Variants in ZNF407 observed in about 807,000 individuals in gnomAD.
ZNF407 encodes the protein zinc finger protein 407.
ZNF407 carries 17 observed loss-of-function variants against 131.2 expected under a neutral mutation model. That is an observed-to-expected ratio of 0.13 (90% CI 0.09 to 0.19). ZNF407 has a LOEUF of 0.19. Among genes scored for constraint, ZNF407 ranks in the 10% least tolerant of loss-of-function variants. The pLI, the probability that ZNF407 is intolerant of heterozygous loss-of-function variation, is 1.00. For synonymous variants in ZNF407, 1,156 were observed against 1,062.0 expected, an observed-to-expected ratio of 1.09 and a Z score of -1.72; for missense variants, 2,681 against 2,830.6, an observed-to-expected ratio of 0.95 and a Z score of 1.20.
rs1197047703 is a variant in ZNF407, at chr18:74,635,114, C to A, written c.4095C>A (p.Asn1365Lys). 8.7e-6 allele frequency: 14 copies of A among 1,613,884 alleles called. No individual in the cohort carries two copies. The highest frequency in any genetic ancestry group is 1.3e-5 in the African/African-American group (1 of 75,002). ...RFDSSIIRIKNPEDGELIDQS... is the reference protein window; with the variant it reads ...RFDSSIIRIKKPEDGELIDQS... ...ACTCCTCCATAATAAGAATAAAGAA[C>A]CCTGAAGATGGTGAGTTGATAGACC... Residue 1365 changes from asparagine (N) to lysine (K), a missense_variant, in exon 2 of 9, where the codon AAC (asparagine) becomes AAA (lysine). Around this residue, in one of 6 missense-constraint regions of ZNF407, gnomAD observed 1,789 missense variants for 1,748.7 expected, o/e 1.02. Coordinates refer to ENST00000299687, the MANE Select transcript of ZNF407 (RefSeq NM_017757.3). This position sits in a 1 kb window ranked among gnomAD's most constrained non-coding sequence, Gnocchi z 4.7.
At chr18:74,890,641 G>T (rs946550974) in intron 7 of ZNF407, among the ~76,000 whole-genome samples, 5 of 152,124 alleles carry the variant, frequency 3.3e-5, no homozygotes, top group African/African-American at 1.2e-4. Context: ...CTAGAGTATA[G>T]CACTCATTTA....
At chr18:74,958,712 G>T (rs1179174006) in intron 8 of ZNF407, among the ~76,000 whole-genome samples, 1 of 152,182 alleles carries the variant, frequency 6.6e-6, no homozygotes, top group Non-Finnish European at 1.5e-5. Flanking sequence ...ATAAACATTG[G>T]CATAAAGGGA....
chr18:74,615,076 T>G (rs1983227143), intron 1 of ZNF407, among the ~76,000 whole-genome samples: 1 of 151,030 alleles, frequency 6.6e-6, no homozygotes, highest in Non-Finnish European at 1.5e-5. Flanking sequence ...CTTACTTTCT[T>G]CTGTCAGCTG....
At chr18:74,685,628 C>T (rs566433055) in intron 3 of ZNF407, among the ~76,000 whole-genome samples, 1 of 152,350 alleles carries the variant, frequency 6.6e-6, no homozygotes, top group South Asian at 2.1e-4. Flanking sequence ...CACCCCACCT[C>T]ACTCACTCGG....
intron 4 of ZNF407, among the ~76,000 whole-genome samples, chr18:74,844,326 G>A (rs1343644552): frequency 6.6e-6 from 1 of 152,196 alleles, no homozygotes; most frequent in African/African-American, 2.4e-5. Context: ...GCGCTTGCCT[G>A]TGTCATAGCA....
intron 8 of ZNF407, among the ~76,000 whole-genome samples, chr18:75,052,714 C>T (rs944535706): frequency 1.3e-5 from 2 of 152,212 alleles, no homozygotes; most frequent in Non-Finnish European, 2.9e-5. Context: ...ATAATGAATT[C>T]AGTTTTCCAC....
chr18:74,637,801 G>GA (rs1181877495), intron 2 of ZNF407, among the ~76,000 whole-genome samples: 1 of 152,134 alleles, frequency 6.6e-6, no homozygotes, highest in Non-Finnish European at 1.5e-5. Flanking sequence ...CATATTTTGT[G>GA]ATTTACTATA....
chr18:74,951,969 T>C (rs1972219882), intron 8 of ZNF407, among the ~76,000 whole-genome samples: 1 of 152,082 alleles, frequency 6.6e-6, no homozygotes, highest in African/African-American at 2.4e-5. Context: ...AGTTAGAAAT[T>C]AGAAAATACA....
intron 1 of ZNF407, among the ~76,000 whole-genome samples, chr18:74,627,839 C>A (rs1390906924): frequency 1.5e-5 from 2 of 132,862 alleles, no homozygotes; most frequent in Admixed American, 1.5e-4. Context: ...CTGCCCCGCC[C>A]CACCCCGCCC....
intron 8 of ZNF407, among the ~76,000 whole-genome samples, chr18:75,033,169 A>G (rs917968365): frequency 8.2e-5 from 11 of 133,822 alleles, no homozygotes; most frequent in Non-Finnish European, 1.1e-4. Context: ...ACTGCTCAGA[A>G]TGGGGGGAAG....
At chr18:74,793,794 G>A (rs192473196) in intron 4 of ZNF407, among the ~76,000 whole-genome samples, 2 of 152,218 alleles carry the variant, frequency 1.3e-5, no homozygotes, top group East Asian at 3.9e-4. Context: ...CCATGTTGTC[G>A]GGAAGCATTT....
At chr18:74,901,742 A>T (rs1279908443) in intron 7 of ZNF407, among the ~76,000 whole-genome samples, 1 of 152,214 alleles carries the variant, frequency 6.6e-6, no homozygotes, top group African/African-American at 2.4e-5. Context: ...TATTAATGCA[A>T]TGATTATGCA....
At chr18:74,829,342 G>A (rs537591203) in intron 4 of ZNF407, among the ~76,000 whole-genome samples, 7 of 152,296 alleles carry the variant, frequency 4.6e-5, no homozygotes, top group South Asian at 4.1e-4. Context: ...ATGAACCTAC[G>A]AATTCCCTTT....
At chr18:75,054,761 C>T (rs1973541969) in intron 8 of ZNF407, among the ~76,000 whole-genome samples, 1 of 152,214 alleles carries the variant, frequency 6.6e-6, no homozygotes, top group South Asian at 2.1e-4. Flanking sequence ...TTTGTTACGT[C>T]TTTAAGTCAA....
intron 8 of ZNF407, among the ~76,000 whole-genome samples, chr18:75,035,764 G>A (rs947950854): frequency 2.0e-5 from 3 of 151,876 alleles, no homozygotes; most frequent in East Asian, 3.8e-4. Flanking sequence ...CGTCCGCCTC[G>A]CCTCTGGAAT....
At chr18:74,809,230 G>A (rs1459711610) in intron 4 of ZNF407, among the ~76,000 whole-genome samples, 1 of 152,094 alleles carries the variant, frequency 6.6e-6, no homozygotes, top group Non-Finnish European at 1.5e-5. Context: ...CTTTTACACT[G>A]CTCTCATTTA....
intron 8 of ZNF407, among the ~76,000 whole-genome samples, chr18:75,020,765 G>A (rs1304322531): frequency 6.6e-6 from 1 of 152,126 alleles, no homozygotes; most frequent in Non-Finnish European, 1.5e-5. Context: ...ATAAGTTTTG[G>A]AATATGGACA....
intron 8 of ZNF407, among the ~76,000 whole-genome samples, chr18:75,057,550 TTAGA>T (rs757192997): frequency 3.3e-4 from 51 of 152,290 alleles, no homozygotes; most frequent in Non-Finnish European, 6.5e-4. Context: ...TGAAGTGGTG[TTAGA>T]TAAGTTTTAC....
intron 4 of ZNF407, among the ~76,000 whole-genome samples, chr18:74,834,976 G>T (rs543619003): frequency 1.1e-4 from 16 of 152,122 alleles, no homozygotes; most frequent in Non-Finnish European, 2.1e-4. Flanking sequence ...CAGTACCCTT[G>T]TACAGAGTTG....
Sources: allele counts gnomAD v4.1 joint callset (sites outside exome capture counted in the v4.1 genomes callset), GRCh38; gene constraint gnomAD v4.1.1; regional missense constraint gnomAD v4.1.1; non-coding constraint Gnocchi (gnomAD v3.1); transcripts MANE v1.5; gene names NCBI Gene and HGNC (gene_info 2026-07-23, HGNC 2026-07-21).